The following ATP10B variants were observed in gnomAD, a reference collection of about 807,000 sequenced individuals.
The protein encoded by ATP10B is ATPase phospholipid transporting 10B (putative).
In ATP10B, 122 loss-of-function variants were observed where a neutral mutation model predicts 141.2. The observed-to-expected ratio is 0.86, with a 90% CI of 0.75 to 1.00. The LOEUF is 1.00. Among genes scored for constraint, ATP10B ranks in the 50% least tolerant of loss-of-function variants. The probability of loss-of-function intolerance (pLI) is 0.00; values close to 1 mark genes in which losing one functional copy is unlikely to be tolerated. For missense variants in ATP10B, 1,876 were observed against 1,825.3 expected, an observed-to-expected ratio of 1.03 and a Z score of -0.51; for synonymous variants, 685 against 692.0, an observed-to-expected ratio of 0.99 and a Z score of 0.16.
chr5:160,893,989 ATAG>A, the ATP10B span, among the ~76,000 whole-genome samples: 1 of 152,238 alleles, frequency 6.6e-6, no homozygotes, highest in East Asian at 1.9e-4. Flanking sequence ...ACAGAAAGGA[ATAG>A]TATCAACATC....
chr5:160,889,227 T>C, the ATP10B span, among the ~76,000 whole-genome samples: 3 of 152,272 alleles, frequency 2.0e-5, no homozygotes, highest in South Asian at 6.2e-4. Flanking sequence ...ACATTCCTCA[T>C]TGAATAGATG....
chr5:160,806,347 A>G (rs1298636346), intron 1 of ATP10B, among the ~76,000 whole-genome samples: 1 of 152,246 alleles, frequency 6.6e-6, no homozygotes, highest in East Asian at 1.9e-4. Flanking sequence ...ACACAGATCA[A>G]GGTAAGCAGG....
chr5:160,634,307 G>C (rs781330334), intron 12 of ATP10B, 47 bp downstream of exon 12: 1 of 1,613,200 alleles, frequency 6.2e-7, no homozygotes, highest in African/African-American at 1.3e-5. Flanking sequence ...GGAGAGCAGG[G>C]TATTTCCTTT....
At chr5:160,827,238 A>T (rs1278940436) in intron 1 of ATP10B, among the ~76,000 whole-genome samples, 1 of 152,162 alleles carries the variant, frequency 6.6e-6, no homozygotes, top group Non-Finnish European at 1.5e-5. Flanking sequence ...GCCGGCCAAC[A>T]CTTACAGAAA....
intron 2 of ATP10B, among the ~76,000 whole-genome samples, chr5:160,763,005 G>A (rs1368758775): frequency 6.6e-6 from 1 of 152,008 alleles, no homozygotes; most frequent in Non-Finnish European, 1.5e-5. Context: ...TAGTCCAACA[G>A]GAAAATATCA....
chr5:160,601,286 A>G (rs1006129211), intron 21 of ATP10B, among the ~76,000 whole-genome samples: 3 of 152,198 alleles, frequency 2.0e-5, no homozygotes, highest in Admixed American at 6.5e-5. Context: ...GTCTGAAAGA[A>G]AGACTGGAGC....
chr5:160,670,705 A>T, intron 6 of ATP10B, 38 bp from the exon 7 acceptor site: 1 of 1,576,874 alleles, frequency 6.3e-7, no homozygotes, highest in Non-Finnish European at 8.7e-7. Flanking sequence ...GTGAGCTTTA[A>T]GTTTCCTCAG....
Position 160,572,596 on chromosome 5 carries a change from A to G in ATP10B, c.3751-2913T>C, listed in dbSNP as rs78823871. Among the ~76,000 whole-genome samples, 1,456 of 152,332 alleles carry G rather than the reference A, an allele frequency of 9.6e-3. 18 individuals are homozygous for G. The highest frequency in any genetic ancestry group is 0.033 in the African/African-American group (1,376 of 41,576). ...TTTGAGAAAGAGGACTGAGTGTTCA[A>G]TCAGAATACAGAATCTTTAGTCTCA... On this transcript the variant is annotated intron_variant, in intron 24 of 25. Transcript: ENST00000327245.
At position 160,644,247 on chromosome 5, in the gene ATP10B, G is replaced by A; in HGVS notation, c.762-3C>T. ...TCCTGGTCTGGTCAGGATGCTCCCT[G>A]GGGATGATGAATAAAAGACAGGGGG... On this transcript the variant is annotated splice_polypyrimidine_tract_variant and splice_region_variant and intron_variant, in intron 8 of 25. Coordinates refer to ENST00000327245, the MANE Select transcript of ATP10B (RefSeq NM_025153.3). 1 of 1,612,150 alleles carries A rather than the reference G, an allele frequency of 6.2e-7. No individual in the cohort carries two copies. The highest frequency in any genetic ancestry group is 8.5e-7 in the Non-Finnish European group (1 of 1,178,340).
intron 1 of ATP10B, among the ~76,000 whole-genome samples, chr5:160,844,336 G>C (rs1775989027): frequency 6.6e-6 from 1 of 152,060 alleles, no homozygotes; most frequent in South Asian, 2.1e-4. Flanking sequence ...GTAAGTTGTG[G>C]TGTACTCACA....
At chr5:160,618,224 G>A (rs574058403) in intron 15 of ATP10B, among the ~76,000 whole-genome samples, 133 of 152,332 alleles carry the variant, frequency 8.7e-4, no homozygotes, top group Non-Finnish European at 1.4e-3. Flanking sequence ...GCTATGTAAG[G>A]AAGGTAGGTG....
chr5:160,745,370 T>A (rs995667586), intron 2 of ATP10B, among the ~76,000 whole-genome samples: 12 of 152,346 alleles, frequency 7.9e-5, no homozygotes, highest in South Asian at 2.1e-4. Flanking sequence ...ATCAAAATTG[T>A]CACATGACTG....
At chr5:160,818,306 C>T (rs1279333441) in intron 1 of ATP10B, among the ~76,000 whole-genome samples, 1 of 151,866 alleles carries the variant, frequency 6.6e-6, no homozygotes, top group Non-Finnish European at 1.5e-5. Context: ...TTTACAAGAA[C>T]AAAACAAACA....
intron 1 of ATP10B, among the ~76,000 whole-genome samples, chr5:160,798,373 C>G (rs1412948524): frequency 1.3e-5 from 2 of 152,182 alleles, no homozygotes; most frequent in Admixed American, 1.3e-4. Context: ...TGAAATTATA[C>G]TGGAGTAGAG....
At chr5:160,746,993 A>T (rs1256346995) in intron 2 of ATP10B, among the ~76,000 whole-genome samples, 1 of 152,132 alleles carries the variant, frequency 6.6e-6, no homozygotes, top group Non-Finnish European at 1.5e-5. Context: ...TGTGCACCAT[A>T]TTTGGGGAAA....
intron 19 of ATP10B, among the ~76,000 whole-genome samples, 163 bp downstream of exon 19, chr5:160,606,602 C>T (rs944836565): frequency 1.9e-4 from 29 of 152,156 alleles, no homozygotes; most frequent in South Asian, 2.1e-4. Flanking sequence ...CACTTCATCC[C>T]CTAGTTGCTG....
At chr5:160,913,885 T>C in the ATP10B span, among the ~76,000 whole-genome samples, 1 of 152,232 alleles carries the variant, frequency 6.6e-6, no homozygotes, top group Non-Finnish European at 1.5e-5. Flanking sequence ...TGGAAGGTGC[T>C]TAAATAAATG....
At position 160,603,663 on chromosome 5, in the gene ATP10B, A is replaced by G. The variant is rs918143027; in HGVS notation, c.3237+302T>C. ...TCATCAACAAATTTAAGCAGTGCCAAATGTTTACACTGGTGGTGGAAATAC... is the reference window on the plus strand; with the variant it reads ...TCATCAACAAATTTAAGCAGTGCCAGATGTTTACACTGGTGGTGGAAATAC... On this transcript the variant is annotated intron_variant, in intron 20 of 25. Coordinates refer to ENST00000327245, the MANE Select transcript of ATP10B (RefSeq NM_025153.3). The G allele has an allele frequency of 7.0e-5, 26 of 372,662 alleles. No individual in the cohort carries two copies. In the Admixed American group the frequency reaches 9.0e-4, roughly 13 times the overall value. The allele number at this position is 372,662 out of a possible 1,614,324, so 23.1% of individuals were successfully genotyped here. A position where few individuals can be genotyped will look rare whatever the true frequency, so the allele number is the denominator to read the frequency against.
intron 16 of ATP10B, among the ~76,000 whole-genome samples, chr5:160,616,248 A>G (rs1163089927): frequency 6.6e-6 from 1 of 152,182 alleles, no homozygotes; most frequent in East Asian, 1.9e-4. Flanking sequence ...GGTGAGGGGT[A>G]TTATCCAAAT....
Sources: gnomAD v4.1 joint callset for allele counts (sites outside exome capture counted in the v4.1 genomes callset) on GRCh38, gnomAD v4.1.1 for gene constraint, MANE v1.5 for transcripts, NCBI Gene and HGNC (gene_info 2026-07-23, HGNC 2026-07-21) for gene names.